Variants in GRID1 observed in about 807,000 individuals in gnomAD.
GRID1 encodes glutamate ionotropic receptor delta type subunit 1, also known as glutamate receptor ionotropic, delta-1.
Under a neutral mutation model 98.0 loss-of-function variants are expected in GRID1, and 28 were observed. That is an observed-to-expected ratio of 0.29 (90% CI 0.21 to 0.39). The LOEUF is 0.39. GRID1 is among the 10% of genes least tolerant of loss of function. GRID1 has a pLI of 1.00. For missense variants in GRID1, 1,111 were observed against 1,340.5 expected (o/e 0.83, Z 2.67); for synonymous variants, 553 against 538.5 (o/e 1.03, Z -0.37).
intron 8 of GRID1, among the ~76,000 whole-genome samples, chr10:85,742,260 C>T (rs1194819477): frequency 6.6e-6 from 1 of 151,728 alleles, no homozygotes; most frequent in Non-Finnish European, 1.5e-5. Flanking sequence ...CATAAAGGAC[C>T]ATGTTTACCA....
At chr10:85,628,453 G>A (rs1382401317) in intron 13 of GRID1, among the ~76,000 whole-genome samples, 1 of 152,140 alleles carries the variant, frequency 6.6e-6, no homozygotes, top group Non-Finnish European at 1.5e-5. Context: ...CCCCCAGGGA[G>A]GCAGCAGAGA....
At chr10:86,097,123 T>C (rs1019521185) in intron 4 of GRID1, among the ~76,000 whole-genome samples, 4 of 152,158 alleles carry the variant, frequency 2.6e-5, no homozygotes, top group Non-Finnish European at 5.9e-5. Flanking sequence ...CACCATCCAC[T>C]TCACTGGTCC....
rs998787902 is a variant in GRID1 at position 86,365,199 on chromosome 10, G to A, written c.80-1103C>T. Among the ~76,000 whole-genome samples the A allele has an allele frequency of 6.6e-6, 1 of 152,072 alleles. No individual in the cohort carries two copies. Among genetic ancestry groups the A allele is most frequent in the Non-Finnish European group, 1.5e-5 (1 of 67,990 alleles). On this transcript the variant is annotated intron_variant, in intron 1 of 15. Transcript: ENST00000327946. This position sits in a 1 kb window ranked among gnomAD's most constrained non-coding sequence, Gnocchi z 4.8. Reference sequence around the variant, plus strand: ...GGTCACGGGCCCCTGAGGAGGAATCGTAGCTCTCCGAGCCCAGGCCTAGTC... The same window carrying A: ...GGTCACGGGCCCCTGAGGAGGAATCATAGCTCTCCGAGCCCAGGCCTAGTC...
chr10:85,905,212 GA>G (rs1184429432), intron 5 of GRID1, among the ~76,000 whole-genome samples: 1 of 151,626 alleles, frequency 6.6e-6, no homozygotes, highest in African/African-American at 2.4e-5. Flanking sequence ...TGAGGAGGAA[GA>G]TAGTAAGGCA....
intron 4 of GRID1, among the ~76,000 whole-genome samples, chr10:86,004,386 G>A (rs1445398078): frequency 6.6e-6 from 1 of 152,162 alleles, no homozygotes; most frequent in Non-Finnish European, 1.5e-5. Context: ...ACTTAGATGG[G>A]CCACAATGTC....
In GRID1 at chr10:85,602,394, G is replaced by A. The variant is rs1345667117; in HGVS notation, c.2909C>T (p.Ser970Leu). ...CTGCCGGAACAGCCCCCCGTTGGGTGACCTGTGTTTGCACTGCATGGAGGG... is the reference window on the plus strand; with the variant it reads ...CTGCCGGAACAGCCCCCCGTTGGGTAACCTGTGTTTGCACTGCATGGAGGG... The part of the protein sequence containing the change: ...TMPSMQCKHR[S>L]PNGGLFRQSP... The change falls in exon 16 of 16, where the codon TCA becomes TTA. Residue 970 changes from serine (S) to leucine (L), a missense_variant. Coordinates refer to ENST00000327946, the MANE Select transcript of GRID1 (RefSeq NM_017551.3). 6.2e-7 allele frequency: 1 copy of A among 1,610,484 alleles called. No homozygotes were observed. The highest frequency in any genetic ancestry group is 1.1e-5 in the South Asian group (1 of 91,008).
intron 4 of GRID1, among the ~76,000 whole-genome samples, chr10:86,026,746 C>T (rs1247514077): frequency 6.6e-6 from 1 of 152,192 alleles, no homozygotes; most frequent in African/African-American, 2.4e-5. Flanking sequence ...ATAGTAAATG[C>T]TCAATAAACA....
intron 5 of GRID1, among the ~76,000 whole-genome samples, chr10:85,913,803 A>T (rs575694568): frequency 6.6e-6 from 1 of 152,342 alleles, no homozygotes; most frequent in South Asian, 2.1e-4. Flanking sequence ...AAAATAAAAA[A>T]TAAAGATAAA....
At chr10:86,229,678 T>G (rs1044498252) in intron 2 of GRID1, among the ~76,000 whole-genome samples, 2 of 151,832 alleles carry the variant, frequency 1.3e-5, no homozygotes, top group African/African-American at 4.8e-5. Context: ...CTGCCTGGAG[T>G]TCAACTCATC....
chr10:85,788,474 G>A (rs1842450167), intron 8 of GRID1, among the ~76,000 whole-genome samples: 1 of 152,152 alleles, frequency 6.6e-6, no homozygotes, highest in African/African-American at 2.4e-5. Context: ...GGTCTTATCT[G>A]TAACATCAAC....
Position 85,728,159 on chromosome 10 carries a change from C to T in GRID1, c.1336-107G>A. On this transcript the variant is annotated intron_variant, in intron 9 of 15. Coordinates refer to ENST00000327946, the MANE Select transcript of GRID1 (RefSeq NM_017551.3). Reference sequence around the variant, plus strand: ...ATCTGATTAGAACATTTGCAGTTCCCCAATTTAGGACTTCAGGCTCAACTT... The same window carrying T: ...ATCTGATTAGAACATTTGCAGTTCCTCAATTTAGGACTTCAGGCTCAACTT... 3 of 851,986 alleles carry T rather than the reference C, an allele frequency of 3.5e-6. No homozygotes were observed. In the Admixed American group the frequency reaches 5.7e-5, roughly 16 times the overall value. The allele number at this position is 851,986 out of a possible 1,614,324, so 52.8% of individuals were successfully genotyped here. A position where few individuals can be genotyped will look rare whatever the true frequency, so the allele number is the denominator to read the frequency against.
intron 12 of GRID1, among the ~76,000 whole-genome samples, chr10:85,712,050 A>G (rs1217977993): frequency 6.6e-6 from 1 of 151,766 alleles, no homozygotes; most frequent in African/African-American, 2.4e-5. Flanking sequence ...AAAATGGTAA[A>G]GAAAAAATAT....
intron 12 of GRID1, among the ~76,000 whole-genome samples, chr10:85,652,531 A>C (rs537740673): frequency 1.3e-5 from 2 of 152,270 alleles, no homozygotes; most frequent in African/African-American, 4.8e-5. Context: ...GAGGGTGGGG[A>C]TATCCATCCT....
chr10:85,760,670 A>G (rs189527328), intron 8 of GRID1, among the ~76,000 whole-genome samples: 1 of 152,286 alleles, frequency 6.6e-6, no homozygotes, highest in Admixed American at 6.5e-5. Flanking sequence ...TGTCAACAAT[A>G]AGTATACATT....
At chr10:85,654,320 T>G (rs1343482303) in intron 12 of GRID1, among the ~76,000 whole-genome samples, 2 of 152,196 alleles carry the variant, frequency 1.3e-5, no homozygotes, top group African/African-American at 4.8e-5. Context: ...TTTACATACT[T>G]GTAAAAAGTA....
Position 85,915,714 on chromosome 10 carries a change from C to T in GRID1, c.780+472G>A, listed in dbSNP as rs142385030. Among the ~76,000 whole-genome samples the T allele has an allele frequency of 1.3e-4, 20 of 152,258 alleles. 1 individual carries two copies. Among genetic ancestry groups the T allele is most frequent in the Admixed American group, 5.9e-4 (9 of 15,296 alleles). On this transcript the variant is annotated intron_variant, in intron 5 of 15. Transcript: ENST00000327946. ...CACATCATAAACACAGACATACACACACACACCTGGATTCACACTCTCGCA... is the reference window on the plus strand; with the variant it reads ...CACATCATAAACACAGACATACACATACACACCTGGATTCACACTCTCGCA...
intron 8 of GRID1, among the ~76,000 whole-genome samples, chr10:85,734,705 G>C (rs182471269): frequency 6.6e-6 from 1 of 152,304 alleles, no homozygotes; most frequent in African/African-American, 2.4e-5. Context: ...GCCCCAGGCT[G>C]AGTGAATCTC....
At chr10:85,791,784 T>C (rs549109438) in intron 8 of GRID1, among the ~76,000 whole-genome samples, 70 of 152,094 alleles carry the variant, frequency 4.6e-4, no homozygotes, top group Non-Finnish European at 8.1e-4. Flanking sequence ...AAAAGAAATC[T>C]AAGAAGAGAT....
chr10:86,245,589 T>C (rs1214816056), intron 2 of GRID1, among the ~76,000 whole-genome samples: 1 of 152,158 alleles, frequency 6.6e-6, no homozygotes, highest in East Asian at 1.9e-4. Context: ...CTTTACTCCA[T>C]TCCTTGGTGG....
Sources: gnomAD v4.1 joint callset for allele counts (sites outside exome capture counted in the v4.1 genomes callset) on GRCh38, gnomAD v4.1.1 for gene constraint, Gnocchi (gnomAD v3.1) non-coding constraint, MANE v1.5 for transcripts, NCBI Gene and HGNC (gene_info 2026-07-23, HGNC 2026-07-21) for gene names.